TNR: variants seen among roughly 807,000 people sequenced by gnomAD.
The protein encoded by TNR is tenascin R, also known as tenascin-R.
TNR carries 45 observed loss-of-function variants against 150.4 expected under a neutral mutation model. That is an observed-to-expected ratio of 0.30 (90% CI 0.24 to 0.38). TNR has a LOEUF of 0.38. TNR is among the 10% of genes least tolerant of loss of function. The probability of loss-of-function intolerance (pLI) is 1.00; values close to 1 mark genes in which losing one functional copy is unlikely to be tolerated. For missense variants in TNR, 1,544 were observed against 1,759.1 expected, an observed-to-expected ratio of 0.88 and a Z score of 2.19; for synonymous variants, 687 against 678.4, an observed-to-expected ratio of 1.01 and a Z score of -0.20.
intron 1 of TNR, among the ~76,000 whole-genome samples, chr1:175,533,328 A>G (rs1234447972): frequency 6.6e-6 from 1 of 152,230 alleles, no homozygotes; most frequent in East Asian, 1.9e-4. Flanking sequence ...AGTGTGCAGC[A>G]GAAGGAAGGA....
chr1:175,398,721 G>C (rs1035234178), intron 4 of TNR, among the ~76,000 whole-genome samples: 6 of 152,210 alleles, frequency 3.9e-5, no homozygotes, highest in African/African-American at 1.4e-4. Flanking sequence ...AGCAAACATA[G>C]AAGCTAGGAT....
intron 1 of TNR, among the ~76,000 whole-genome samples, chr1:175,601,700 C>T (rs968540268): frequency 2.0e-5 from 3 of 152,084 alleles, no homozygotes; most frequent in African/African-American, 7.2e-5. Context: ...TTAAGCAATA[C>T]CTAGAGAGAA....
At chr1:175,458,831 C>G (rs1461012230) in intron 2 of TNR, among the ~76,000 whole-genome samples, 1 of 152,154 alleles carries the variant, frequency 6.6e-6, no homozygotes, top group East Asian at 1.9e-4. Flanking sequence ...TATTGTTACA[C>G]AGACCACGGC....
chr1:175,516,481 G>T (rs1281598661), intron 2 of TNR, among the ~76,000 whole-genome samples: 1 of 152,212 alleles, frequency 6.6e-6, no homozygotes, highest in Non-Finnish European at 1.5e-5. Context: ...TTCCTGATAA[G>T]GTTGGGGACC....
intron 1 of TNR, among the ~76,000 whole-genome samples, chr1:175,553,143 A>G (rs979088204): frequency 1.3e-5 from 2 of 152,214 alleles, no homozygotes; most frequent in African/African-American, 2.4e-5. Context: ...CCTCAAGCAC[A>G]CACTAAGTTT....
chr1:175,415,145 CTTTT>C (rs35109798), intron 2 of TNR, among the ~76,000 whole-genome samples: 16 of 137,102 alleles, frequency 1.2e-4, no homozygotes, highest in African/African-American at 2.9e-4. Context: ...TTTTTTTGTG[CTTTT>C]TTTTTTTTTT....
At chr1:175,681,273 G>A (rs189334882) in intron 1 of TNR, among the ~76,000 whole-genome samples, 2 of 152,270 alleles carry the variant, frequency 1.3e-5, no homozygotes, top group East Asian at 3.9e-4. Context: ...GAGGAAGCCC[G>A]AGCCCAGAAA....
At chr1:175,324,307 G>A (rs751273557) in intron 22 of TNR, 49 bp downstream of exon 22, 53 of 1,581,866 alleles carry the variant, frequency 3.4e-5, no homozygotes, top group African/African-American at 1.3e-4. Flanking sequence ...AAGGGAGCAC[G>A]GATTCCACAG....
At chr1:175,455,106 G>A (rs1045469181) in intron 2 of TNR, among the ~76,000 whole-genome samples, 2 of 152,170 alleles carry the variant, frequency 1.3e-5, no homozygotes, top group African/African-American at 4.8e-5. Context: ...GATAATCCCA[G>A]CCTGTGAGTT....
At chr1:175,533,744 G>A (rs959110826) in intron 1 of TNR, among the ~76,000 whole-genome samples, 1 of 152,292 alleles carries the variant, frequency 6.6e-6, no homozygotes, top group African/African-American at 2.4e-5. Context: ...TGACCCAGTG[G>A]AGGATCAAAA....
chr1:175,550,496 C>A lies in TNR; in HGVS notation c.-164-22127G>T, dbSNP rs185535824. ...TACTGAGCCATGGAACTCTTCCCCCCTCACCCCCCATCCTTTTCCCCTTTC... is the reference window on the plus strand; with the variant it reads ...TACTGAGCCATGGAACTCTTCCCCCATCACCCCCCATCCTTTTCCCCTTTC... On this transcript the variant is annotated intron_variant, in intron 1 of 22. Transcript: ENST00000367674. Among the ~76,000 whole-genome samples, 251 of 152,044 alleles carry A rather than the reference C, an allele frequency of 1.7e-3. 1 individual carries two copies. The highest frequency in any genetic ancestry group is 2.6e-3 in the Non-Finnish European group (174 of 67,958).
intron 2 of TNR, among the ~76,000 whole-genome samples, chr1:175,480,427 GAA>G (rs1278953986): frequency 6.8e-6 from 1 of 146,334 alleles, no homozygotes; most frequent in East Asian, 2.0e-4. Flanking sequence ...AAAAAAGAAA[GAA>G]AGAAAGAAAG....
intron 1 of TNR, among the ~76,000 whole-genome samples, chr1:175,634,052 T>C (rs1009455228): frequency 6.6e-6 from 1 of 152,100 alleles, no homozygotes; most frequent in Non-Finnish European, 1.5e-5. Flanking sequence ...ATGAAGTCAC[T>C]GTCAGATGAA....
At chr1:175,617,672 G>A (rs1293798937) in intron 1 of TNR, among the ~76,000 whole-genome samples, 7 of 152,172 alleles carry the variant, frequency 4.6e-5, no homozygotes, top group South Asian at 4.1e-4. Flanking sequence ...TTGTTTGTGC[G>A]TTAAAGTCTG....
At chr1:175,400,767 C>A (rs142331300) in intron 4 of TNR, among the ~76,000 whole-genome samples, 1 of 152,168 alleles carries the variant, frequency 6.6e-6, no homozygotes, top group Admixed American at 6.5e-5. Context: ...ATGGGAACAT[C>A]GTGCTGTGGT....
chr1:175,652,319 T>G (rs1013789217), intron 1 of TNR, among the ~76,000 whole-genome samples: 2 of 151,978 alleles, frequency 1.3e-5, no homozygotes. Context: ...TAGTTTCAAC[T>G]ACATCAGAAT....
At chr1:175,528,491 A>T (rs951237087) in intron 1 of TNR, 122 bp from the exon 2 acceptor site, 12 of 152,194 alleles carry the variant, frequency 7.9e-5, no homozygotes, top group Non-Finnish European at 1.3e-4. Flanking sequence ...GCACCATGTG[A>T]ATTTCCAAAG....
At chr1:175,380,320 A>C (rs974755854) in intron 8 of TNR, among the ~76,000 whole-genome samples, 13 of 134,588 alleles carry the variant, frequency 9.7e-5, no homozygotes, top group South Asian at 8.0e-4. Context: ...AACCATGAGC[A>C]AGTCTTTTAA....
intron 18 of TNR, among the ~76,000 whole-genome samples, chr1:175,341,525 G>T (rs1414336934): frequency 6.6e-6 from 1 of 152,194 alleles, no homozygotes; most frequent in Non-Finnish European, 1.5e-5. Flanking sequence ...GGAAGTGGAG[G>T]CTGAATGCTG....
Sources: allele counts gnomAD v4.1 joint callset (sites outside exome capture counted in the v4.1 genomes callset), GRCh38; gene constraint gnomAD v4.1.1; transcripts MANE v1.5; gene names NCBI Gene and HGNC (gene_info 2026-07-23, HGNC 2026-07-21).